The following C2orf81 variants were observed in gnomAD, a reference collection of about 807,000 sequenced individuals.
C2orf81 encodes uncharacterized protein C2orf81.
Under a neutral mutation model 7.9 loss-of-function variants are expected in C2orf81, and 5 were observed. The observed-to-expected ratio is 0.63, with a 90% CI of 0.33 to 1.33. The LOEUF (loss-of-function observed/expected upper bound fraction) is 1.33, where lower values mean the gene tolerates loss of function less well. C2orf81 is among the 40% of genes most tolerant of loss of function. The pLI is 0.05. For missense variants in C2orf81, 781 were observed against 830.4 expected (o/e 0.94, Z 0.73); for synonymous variants, 346 against 367.4 (o/e 0.94, Z 0.66).
intron 1 of C2orf81, among the ~76,000 whole-genome samples, chr2:74,416,874 G>C (rs3180330): frequency 6.6e-6 from 1 of 152,116 alleles, no homozygotes; most frequent in Non-Finnish European, 1.5e-5. Context: ...GAAACCAGAG[G>C]GGGAGCCCCA....
chr2:74,415,431 C>T lies in C2orf81; in HGVS notation c.746G>A (p.Gly249Asp). ...GCTCAAGGACCCGGCCGAGGAGAGG[C>T]CTCTAGACTGGCCGTCCGCTTCCTC... ...PVEEADGQSR[G>D]LSSAGSLSAS... Residue 249 changes from glycine to aspartate, a missense_variant, in exon 3 of 3, where the codon GGC becomes GAC. Gly to Asp is a moderately conservative substitution (Grantham distance 94). Coordinates refer to ENST00000684111, the MANE Select transcript of C2orf81 (RefSeq NM_001316764.3). This position sits in a 1 kb window ranked among gnomAD's most constrained non-coding sequence, Gnocchi z 5.5. 2 of 1,534,720 alleles carry T rather than the reference C, an allele frequency of 1.3e-6. No individual in the cohort carries two copies. The highest frequency in any genetic ancestry group is 1.8e-6 in the Non-Finnish European group (2 of 1,135,484).
intron 1 of C2orf81, chr2:74,417,692 C>T (rs1272704329): frequency 4.9e-6 from 3 of 608,928 alleles, no homozygotes; most frequent in East Asian, 1.0e-4. Flanking sequence ...GGGGCTTGGG[C>T]CCCTTTTAAG....
Position 74,415,309 on chromosome 2 carries a change from T to A in C2orf81, c.868A>T (p.Arg290Trp), listed in dbSNP as rs1367018045. The A allele has an allele frequency of 3.2e-6, 5 of 1,549,718 alleles. No individual in the cohort carries two copies. The highest frequency in any genetic ancestry group is 2.0e-5 in the Admixed American group (1 of 50,812). The change falls in exon 3 of 3, where the codon AGG (arginine) becomes TGG (tryptophan). Residue 290 changes from arginine to tryptophan, a missense_variant. By Grantham distance (101) the Arg-to-Trp change is moderately radical. Coordinates refer to ENST00000684111, the MANE Select transcript of C2orf81 (RefSeq NM_001316764.3). This position sits in a 1 kb window ranked among gnomAD's most constrained non-coding sequence, Gnocchi z 5.5. ...LVASPQASTG[R>W]GHPLGFHLSL... ...AAATGGAAGCCGAGGGGGTGTCCCC[T>A]CCCAGTTGAGGCCTGGGGGCTGGCT...
chr2:74,421,440 C>G (rs1168876990), intron 1 of C2orf81, 103 bp downstream of exon 1: 2 of 280,516 alleles, frequency 7.1e-6, no homozygotes, highest in Admixed American at 1.1e-4. Context: ...TGGGCGGGAG[C>G]AAGTAGGGGC....
chr2:74,417,185 T>C (rs1676490636), intron 1 of C2orf81, among the ~76,000 whole-genome samples: 2 of 152,280 alleles, frequency 1.3e-5, no homozygotes, highest in African/African-American at 2.4e-5. Flanking sequence ...CAGAGGTAGT[T>C]TGTGAACAAA....
intron 1 of C2orf81, chr2:74,418,193 T>G: frequency 7.0e-7 from 1 of 1,419,182 alleles, no homozygotes; most frequent in Non-Finnish European, 9.8e-7. Flanking sequence ...GGTCTTCCCC[T>G]TGGTTTCCTT....
At position 74,414,981 on chromosome 2, in the gene C2orf81, G is replaced by A; in HGVS notation, c.1196C>T (p.Thr399Ile). ...LAEVLVPDSQ[T>I]RPLEAYRGRQ... ...TCCGCGGTAGGCTTCCAAGGGGCGT[G>A]TTTGAGAGTCTGGGACCAGGACCTC... Residue 399 changes from threonine to isoleucine, a missense_variant, in exon 3 of 3, where the codon ACA (threonine) becomes ATA (isoleucine). Physicochemically the swap from Thr to Ile is moderately conservative, Grantham distance 89 (BLOSUM62 -1). Coordinates refer to ENST00000684111, the MANE Select transcript of C2orf81 (RefSeq NM_001316764.3). The surrounding 1 kb of genome is among the most constrained non-coding windows in gnomAD (Gnocchi z 5.3). 1 of 1,548,950 alleles carries A rather than the reference G, an allele frequency of 6.5e-7. No individual in the cohort carries two copies. The highest frequency in any genetic ancestry group is 1.2e-5 in the South Asian group (1 of 83,978).
At position 74,414,228 on chromosome 2, in the gene C2orf81, C is replaced by T; in HGVS notation, c.*101G>A. The T allele has an allele frequency of 1.7e-6, 2 of 1,194,486 alleles. No homozygotes were observed. The highest frequency in any genetic ancestry group is 2.2e-6 in the Non-Finnish European group (2 of 906,812). The allele number at this position is 1,194,486 out of a possible 1,614,324, so 74.0% of individuals were successfully genotyped here. ...ATTTCTGGCTAGCAGAGGGAGGGAC[C>T]AGTTACTACTGCCAGAGGCTCAGGG... On this transcript the variant is annotated 3_prime_UTR_variant, in exon 3 of 3. Transcript: ENST00000684111. The surrounding 1 kb of genome is among the most constrained non-coding windows in gnomAD (Gnocchi z 5.3).
At chr2:74,420,807 G>C (rs1676590570) in intron 1 of C2orf81, among the ~76,000 whole-genome samples, 1 of 100,348 alleles carries the variant, frequency 1.0e-5, no homozygotes, top group African/African-American at 4.0e-5. Flanking sequence ...TTTTGAGACA[G>C]TCTCTCTCTG....
In C2orf81 at chr2:74,415,295, G is replaced by A. The variant is rs977457324; in HGVS notation, c.882C>T (p.Leu294=). 12 of 1,550,996 alleles carry A rather than the reference G, an allele frequency of 7.7e-6. No individual in the cohort carries two copies. In the African/African-American group the frequency reaches 8.2e-5, roughly 11 times the overall value. Residue 294 remains leucine, a synonymous_variant, in exon 3 of 3, where the codon CTC becomes CTT. Transcript: ENST00000684111. This position sits in a 1 kb window ranked among gnomAD's most constrained non-coding sequence, Gnocchi z 5.5. The stretch of plus-strand genomic sequence containing the variant: ...GGTCTTCCAACGACAAATGGAAGCC[G>A]AGGGGGTGTCCCCTCCCAGTTGAGG... ...PQASTGRGHP[L]GFHLSLEDLY... is the part of the protein sequence containing the mutation.
At chr2:74,418,495 C>T (rs1558529971) in intron 1 of C2orf81, 1 of 1,138,968 alleles carries the variant, frequency 8.8e-7, no homozygotes, top group East Asian at 2.5e-5. Flanking sequence ...TGGGCGAACT[C>T]GGCCGCTGGC....
At position 74,416,169 on chromosome 2, in the gene C2orf81, G is replaced by C; in HGVS notation, c.91C>G (p.Pro31Ala). 2 of 1,480,910 alleles carry C rather than the reference G, an allele frequency of 1.4e-6. No homozygotes were observed. Among genetic ancestry groups the C allele is most frequent in the Non-Finnish European group, 1.8e-6 (2 of 1,103,158 alleles). The allele number at this position is 1,480,910 out of a possible 1,614,324, so 91.7% of individuals were successfully genotyped here. A position where few individuals can be genotyped will look rare whatever the true frequency, so the allele number is the denominator to read the frequency against. ...KAEKVRPPTV[P>A]VPQVDIVPGR... ...GGCACAATATCCACCTGCGGCACTG[G>C]CACAGTGGGCGGCCGCACTTTTTCC... The change falls in exon 2 of 3, where the codon CCA becomes GCA. Residue 31 changes from proline to alanine, a missense_variant. Coordinates refer to ENST00000684111, the MANE Select transcript of C2orf81 (RefSeq NM_001316764.3).
Position 74,414,530 on chromosome 2 carries a change from G to A in C2orf81, c.1647C>T (p.Val549=). 1 of 1,544,314 alleles carries A rather than the reference G, an allele frequency of 6.5e-7. No homozygotes were observed. Among genetic ancestry groups the A allele is most frequent in the Non-Finnish European group, 8.8e-7 (1 of 1,142,156 alleles). The change falls in exon 3 of 3, where the codon GTC becomes GTT. Residue 549 remains valine, a synonymous_variant. Transcript: ENST00000684111. This position sits in a 1 kb window ranked among gnomAD's most constrained non-coding sequence, Gnocchi z 5.3. ...PGRWPRTTPP[V]LEATSQVMWK... ...ACATCACCTGGGAAGTGGCTTCAAG[G>A]ACCGGGGGTGTGGTTCGAGGCCATC...
At chr2:74,418,241 C>G (rs1364625551) in intron 1 of C2orf81, 1 of 1,593,588 alleles carries the variant, frequency 6.3e-7, no homozygotes. Flanking sequence ...TTGGCAGCAC[C>G]CTTGTTTTTG....
At position 74,421,463 on chromosome 2, in the gene C2orf81, A is replaced by G. The variant is rs1269465692; in HGVS notation, c.18+80T>C. On this transcript the variant is annotated intron_variant, in intron 1 of 2. Transcript: ENST00000684111. ...AGCAAGTAGGGGCACTGGGCGGCCC[A>G]GAGCCAGCCCACTGTTCCCGACACC... 8 of 317,746 alleles carry G rather than the reference A, an allele frequency of 2.5e-5. No homozygotes were observed. The East Asian group carries it at 4.0e-4, about 16-fold the overall frequency. The allele number at this position is 317,746 out of a possible 1,614,324, so 19.7% of individuals were successfully genotyped here. A position where few individuals can be genotyped will look rare whatever the true frequency, so the allele number is the denominator to read the frequency against.
chr2:74,418,552 G>T (rs1385395314), intron 1 of C2orf81: 1 of 762,050 alleles, frequency 1.3e-6, no homozygotes, highest in Admixed American at 2.0e-5. Context: ...GCTGGGCGCT[G>T]AGGACAGGCC....
Position 74,421,532 on chromosome 2 carries a change from C to T in C2orf81, c.18+11G>A. The T allele has an allele frequency of 2.5e-6, 1 of 398,164 alleles. No homozygotes were observed. The highest frequency in any genetic ancestry group is 4.5e-6 in the Non-Finnish European group (1 of 223,524). The allele number at this position is 398,164 out of a possible 1,614,324, so 24.7% of individuals were successfully genotyped here. The stretch of plus-strand genomic sequence containing the variant: ...TGGCTCTGGCGCATCCCCAGCTGAA[C>T]TGAAGCTCACCGAGCCTTCGTGCGC... On this transcript the variant is annotated intron_variant, in intron 1 of 2. Coordinates refer to ENST00000684111, the MANE Select transcript of C2orf81 (RefSeq NM_001316764.3).
chr2:74,419,527 C>CTGCAACATGTA (rs1435859752), intron 1 of C2orf81, among the ~76,000 whole-genome samples: 24 of 152,198 alleles, frequency 1.6e-4, no homozygotes, highest in South Asian at 8.3e-4. Context: ...TGATACCATG[C>CTGCAACATGTA]TGCAACAGTA....
intron 1 of C2orf81, among the ~76,000 whole-genome samples, chr2:74,420,720 C>A (rs982601578): frequency 2.0e-5 from 3 of 149,256 alleles, no homozygotes; most frequent in African/African-American, 7.4e-5. Flanking sequence ...CCAGAAGGGA[C>A]AGAGATATTT....
Sources: gnomAD v4.1 joint callset for allele counts (sites outside exome capture counted in the v4.1 genomes callset) on GRCh38, gnomAD v4.1.1 for gene constraint, Gnocchi (gnomAD v3.1) non-coding constraint, MANE v1.5 for transcripts, NCBI Gene and HGNC (gene_info 2026-07-23, HGNC 2026-07-21) for gene names.